The following ADGRV1 variants were observed in gnomAD, a reference collection of about 807,000 sequenced individuals.
The protein encoded by ADGRV1 is G-protein coupled receptor 98.
ADGRV1 carries 359 observed loss-of-function variants against 596.2 expected under a neutral mutation model. The observed-to-expected ratio is 0.60, with a 90% CI of 0.55 to 0.66. The LOEUF (loss-of-function observed/expected upper bound fraction) is 0.66. Ranked by LOEUF, ADGRV1 falls within the 30% of genes least tolerant of loss-of-function variation. ADGRV1 has a pLI of 0.00. For synonymous variants in ADGRV1, 2,681 were observed against 2,679.2 expected (o/e 1.00, Z -0.02); for missense variants, 7,274 against 7,575.6 (o/e 0.96, Z 1.48).
chr5:90,600,878 T>A (rs1413497347), intron 1 of ADGRV1, among the ~76,000 whole-genome samples: 1 of 152,112 alleles, frequency 6.6e-6, no homozygotes, highest in Non-Finnish European at 1.5e-5. Flanking sequence ...TACTTCTTTT[T>A]AAAAACAAAA....
chr5:90,699,808 C>T (rs754478103), intron 34 of ADGRV1, among the ~76,000 whole-genome samples: 1 of 152,058 alleles, frequency 6.6e-6, no homozygotes, highest in Non-Finnish European at 1.5e-5. Flanking sequence ...AATATTGTAG[C>T]CTCGTCAGTT....
At chr5:91,053,947 A>G (rs1002535950) in intron 85 of ADGRV1, among the ~76,000 whole-genome samples, 1 of 152,204 alleles carries the variant, frequency 6.6e-6, no homozygotes, top group Non-Finnish European at 1.5e-5. Flanking sequence ...AATAGCAGTC[A>G]TGTAGAAGTC....
Position 90,703,809 on chromosome 5 carries a change from G to A in ADGRV1, c.8286+14G>A, listed in dbSNP as rs374148464. 6.4e-7 allele frequency: 1 copy of A among 1,563,090 alleles called. No homozygotes were observed. The highest frequency in any genetic ancestry group is 8.7e-7 in the Non-Finnish European group (1 of 1,153,028). ...TTCTTTCCTGAGGTAATACTGCAAA[G>A]AAAAGTCGATCACAAATATCTAGAA... On this transcript the variant is annotated intron_variant, in intron 35 of 89. Transcript: ENST00000405460.
chr5:91,075,798 C>T (rs1462744681), intron 86 of ADGRV1, among the ~76,000 whole-genome samples: 1 of 151,814 alleles, frequency 6.6e-6, no homozygotes, highest in Non-Finnish European at 1.5e-5. Context: ...AGGTTTCTCT[C>T]ATTGCCCCAA....
At chr5:90,711,438 A>G (rs965233057) in intron 41 of ADGRV1, 116 bp downstream of exon 41, 2 of 742,204 alleles carry the variant, frequency 2.7e-6, no homozygotes, top group Non-Finnish European at 4.0e-6. Flanking sequence ...AAACCATTGT[A>G]TTTTTCACAG....
In ADGRV1 at chr5:90,779,091, A is replaced by G. The variant is rs1758575087; in HGVS notation, c.13076A>G (p.Gln4359Arg). ...CTAACAATTACAAAGGTGGAACTCC[A>G]GGGAAGGTAAAGGAGAAAGGCAATT... ...FSLTITKVEL[Q>R]GRGYDFTIQE... Residue 4359 changes from glutamine (Q) to arginine (R), a missense_variant, in exon 64 of 90, where the codon CAG (glutamine) becomes CGG (arginine). By Grantham distance (43) the Gln-to-Arg change is conservative. Around this residue, in one of 5 missense-constraint regions of ADGRV1, gnomAD observed 3,643 missense variants for 3,809.2 expected, o/e 0.96. Coordinates refer to ENST00000405460, the MANE Select transcript of ADGRV1 (RefSeq NM_032119.4). 6.3e-6 allele frequency: 10 copies of G among 1,594,376 alleles called. No homozygotes were observed. The highest frequency in any genetic ancestry group is 8.6e-6 in the Non-Finnish European group (10 of 1,162,840).
At chr5:90,691,907 A>G (rs1406197109) in intron 31 of ADGRV1, among the ~76,000 whole-genome samples, 1 of 152,228 alleles carries the variant, frequency 6.6e-6, no homozygotes, top group Admixed American at 6.5e-5. Context: ...TAAGTACAGT[A>G]TCAGTGGAAA....
intron 83 of ADGRV1, among the ~76,000 whole-genome samples, chr5:90,872,762 C>T (rs1768816295): frequency 6.6e-6 from 1 of 152,114 alleles, no homozygotes; most frequent in South Asian, 2.1e-4. Flanking sequence ...TCCATAACCC[C>T]TTCTCCACCC....
chr5:91,043,185 T>TC (rs1157224285), intron 85 of ADGRV1, among the ~76,000 whole-genome samples: 4 of 152,162 alleles, frequency 2.6e-5, no homozygotes. Flanking sequence ...TACAGTGTGT[T>TC]CTTGGCTGTA....
chr5:90,941,868 T>C (rs1561976304), intron 83 of ADGRV1, among the ~76,000 whole-genome samples: 1 of 152,372 alleles, frequency 6.6e-6, no homozygotes, highest in East Asian at 1.9e-4. Context: ...TTTTCCGTGG[T>C]AATTGTAGTC....
intron 45 of ADGRV1, among the ~76,000 whole-genome samples, chr5:90,724,588 C>T (rs112890119): frequency 6.6e-6 from 1 of 152,068 alleles, no homozygotes; most frequent in South Asian, 2.1e-4. Context: ...TAAAGCAGAG[C>T]TTTAACAAAT....
chr5:90,904,892 C>G (rs982731087), intron 83 of ADGRV1, among the ~76,000 whole-genome samples: 2 of 143,620 alleles, frequency 1.4e-5, no homozygotes, highest in Non-Finnish European at 3.0e-5. Context: ...GTCTTTAATC[C>G]ATTTTGATTT....
intron 70 of ADGRV1, among the ~76,000 whole-genome samples, chr5:90,796,015 G>T (rs1760669102): frequency 1.3e-5 from 2 of 152,128 alleles, no homozygotes; most frequent in South Asian, 4.1e-4. Flanking sequence ...CCACAAAGAG[G>T]GGGAGAAACC....
intron 85 of ADGRV1, among the ~76,000 whole-genome samples, chr5:91,061,632 G>C (rs1267145461): frequency 6.6e-6 from 1 of 152,134 alleles, no homozygotes; most frequent in Non-Finnish European, 1.5e-5. Flanking sequence ...TAATATTGCT[G>C]TAATGTGTCC....
chr5:90,838,004 T>A (rs1388613165), intron 77 of ADGRV1, among the ~76,000 whole-genome samples: 2 of 152,204 alleles, frequency 1.3e-5, no homozygotes, highest in African/African-American at 4.8e-5. Flanking sequence ...TTTTGGAAAT[T>A]GTGCAAATGA....
chr5:90,947,734 A>G (rs576227334), intron 83 of ADGRV1, among the ~76,000 whole-genome samples: 2 of 152,274 alleles, frequency 1.3e-5, no homozygotes, highest in South Asian at 4.1e-4. Context: ...GTCTTATCAA[A>G]CAAAGGTATG....
chr5:91,120,296 A>G lies in ADGRV1; in HGVS notation c.18432+17956A>G, dbSNP rs535199748. Among the ~76,000 whole-genome samples the G allele has an allele frequency of 2.0e-5, 3 of 152,336 alleles. No homozygotes were observed. In the East Asian group the frequency reaches 5.8e-4, roughly 29 times the overall value. On this transcript the variant is annotated intron_variant, in intron 87 of 89. Coordinates refer to ENST00000405460, the MANE Select transcript of ADGRV1 (RefSeq NM_032119.4). ...CAGCCAGATCTTCTGATTTTTCTAG[A>G]GAAGCCAGAAACCAGATTTTTTATG...
At position 90,652,438 on chromosome 5, in the gene ADGRV1, A is replaced by G. The variant is rs188772875; in HGVS notation, c.3509A>G (p.Tyr1170Cys). ...DSALQPGQEF[Y>C]ETSGTVNFMD... is the part of the protein sequence containing the mutation. ...GCTTTGCAGCCTGGGCAGGAGTTCT[A>G]TGAAACTTCAGGAACTGTTAACTTC... Residue 1170 changes from tyrosine to cysteine, a missense_variant, in exon 19 of 90, where the codon TAT becomes TGT. Transcript: ENST00000405460. 1,574 of 1,613,450 alleles carry G rather than the reference A, an allele frequency of 9.8e-4. 2 individuals carry two copies. The highest frequency in any genetic ancestry group is 1.6e-3 in the Admixed American group (97 of 60,018).
rs1056666743 is a variant in ADGRV1 at position 90,658,045 on chromosome 5, T to G, written c.4519T>G (p.Leu1507Val). 2 of 1,613,910 alleles carry G rather than the reference T, an allele frequency of 1.2e-6. No individual in the cohort carries two copies. The highest frequency in any genetic ancestry group is 8.5e-7 in the Non-Finnish European group (1 of 1,179,862). ...TCATGCCATGCCCGCAAAAAGTGAT[T>G]TACACCCAATTTCTGGATATCTGGA... ...ELHAMPAKSD[L>V]HPISGYLEFR... The change falls in exon 21 of 90, where the codon TTA becomes GTA. Residue 1507 changes from leucine (L) to valine (V), a missense_variant. Leu to Val is a conservative substitution (Grantham distance 32). This residue lies in a region of ADGRV1 where 3,643 missense variants were observed against 3,809.2 expected (regional missense o/e 0.96). Coordinates refer to ENST00000405460, the MANE Select transcript of ADGRV1 (RefSeq NM_032119.4).
Sources: allele counts gnomAD v4.1 joint callset (sites outside exome capture counted in the v4.1 genomes callset), GRCh38; gene constraint gnomAD v4.1.1; regional missense constraint gnomAD v4.1.1; transcripts MANE v1.5; gene names NCBI Gene and HGNC (gene_info 2026-07-23, HGNC 2026-07-21).